CDH13: variants seen among roughly 807,000 people sequenced by gnomAD.
The protein encoded by CDH13 is cadherin 13, also known as cadherin-13.
A neutral mutation model predicts 63.8 loss-of-function variants in CDH13; 24 were observed. That is an observed-to-expected ratio of 0.38 (90% CI 0.27 to 0.53). The LOEUF is 0.53. CDH13 is among the 20% of genes least tolerant of loss of function. CDH13 has a pLI of 0.85. For missense variants in CDH13, 1,049 were observed against 903.1 expected, an observed-to-expected ratio of 1.16 and a Z score of -2.07; for synonymous variants, 503 against 355.3, an observed-to-expected ratio of 1.42 and a Z score of -4.67.
At chr16:83,346,161 C>T (rs747501698) in intron 6 of CDH13, among the ~76,000 whole-genome samples, 4 of 152,114 alleles carry the variant, frequency 2.6e-5, no homozygotes, top group African/African-American at 9.7e-5. Context: ...AAATGCACTG[C>T]GTGTGTGCTG....
chr16:82,653,964 G>A (rs1383990076), intron 1 of CDH13, among the ~76,000 whole-genome samples: 3 of 152,112 alleles, frequency 2.0e-5, no homozygotes, highest in Admixed American at 1.3e-4. Context: ...AACTGTACGG[G>A]GTTACAGGGA....
At chr16:82,883,202 C>G (rs547000227) in intron 2 of CDH13, among the ~76,000 whole-genome samples, 7 of 152,298 alleles carry the variant, frequency 4.6e-5, no homozygotes, top group African/African-American at 1.7e-4. Flanking sequence ...AAAATATGAC[C>G]TACTAAGCAG....
At chr16:82,952,797 G>A (rs1375928761) in intron 2 of CDH13, among the ~76,000 whole-genome samples, 4 of 152,152 alleles carry the variant, frequency 2.6e-5, no homozygotes, top group African/African-American at 9.7e-5. Context: ...TCTGTATGAA[G>A]CCTTAGGAAG....
chr16:83,731,322 A>G (rs1420475508), intron 10 of CDH13, among the ~76,000 whole-genome samples: 1 of 110,786 alleles, frequency 9.0e-6, no homozygotes, highest in East Asian at 2.0e-4. Flanking sequence ...CCTGGGCAGC[A>G]TCTGTCATTT....
chr16:82,783,932 A>G (rs760398857), intron 1 of CDH13, among the ~76,000 whole-genome samples: 4 of 152,086 alleles, frequency 2.6e-5, no homozygotes, highest in Non-Finnish European at 4.4e-5. Flanking sequence ...AAAAATACTA[A>G]TGTCTTCACA....
At chr16:82,928,700 G>A (rs1050625307) in intron 2 of CDH13, among the ~76,000 whole-genome samples, 1 of 152,186 alleles carries the variant, frequency 6.6e-6, no homozygotes, top group Admixed American at 6.5e-5. Flanking sequence ...TTACAGATTT[G>A]AATGGATAAA....
At chr16:82,900,250 G>T (rs2041417252) in intron 2 of CDH13, among the ~76,000 whole-genome samples, 1 of 152,162 alleles carries the variant, frequency 6.6e-6, no homozygotes, top group South Asian at 2.1e-4. Flanking sequence ...ATAGCTGAGT[G>T]CTTGACACTT....
chr16:83,313,792 G>A lies in CDH13; in HGVS notation c.637-31070G>A, dbSNP rs370538882. Among the ~76,000 whole-genome samples, 28 of 152,198 alleles carry A rather than the reference G, an allele frequency of 1.8e-4. No individual in the cohort carries two copies. In the South Asian group the frequency reaches 4.8e-3, roughly 26 times the overall value. On this transcript the variant is annotated intron_variant, in intron 5 of 13. Coordinates refer to ENST00000567109, the MANE Select transcript of CDH13 (RefSeq NM_001257.5). ...TTGTTAAACAATAGTGTCTGGAATT[G>A]GCTAAGGAAGAACAGTTACTTGAAA...
chr16:83,504,417 G>C (rs866544672), intron 7 of CDH13, among the ~76,000 whole-genome samples: 1 of 152,244 alleles, frequency 6.6e-6, no homozygotes, highest in Admixed American at 6.5e-5. Context: ...CTATGAAAGA[G>C]AGCACAAAGG....
At chr16:82,762,493 C>T (rs1263990178) in intron 1 of CDH13, among the ~76,000 whole-genome samples, 1 of 152,154 alleles carries the variant, frequency 6.6e-6, no homozygotes, top group African/African-American at 2.4e-5. Context: ...TAATAAACCC[C>T]TAAGTCAGTA....
intron 1 of CDH13, among the ~76,000 whole-genome samples, chr16:82,640,326 T>A (rs1232921991): frequency 2.0e-5 from 3 of 152,216 alleles, no homozygotes; most frequent in Non-Finnish European, 2.9e-5. Context: ...ACTGATAAAG[T>A]GTTGTTGGTC....
intron 2 of CDH13, chr16:82,953,511 T>A (rs1214615121): frequency 2.0e-5 from 3 of 152,182 alleles, no homozygotes; most frequent in Admixed American, 2.0e-4. Context: ...CATCAAGATG[T>A]TTTGCTTTTG....
At chr16:82,805,731 A>C (rs1597648400) in intron 1 of CDH13, among the ~76,000 whole-genome samples, 1 of 152,204 alleles carries the variant, frequency 6.6e-6, no homozygotes, top group Admixed American at 6.5e-5. Flanking sequence ...GCTTTTGCCG[A>C]AGGAATTCTT....
intron 6 of CDH13, among the ~76,000 whole-genome samples, chr16:83,371,189 C>T (rs956628000): frequency 6.6e-6 from 1 of 152,186 alleles, no homozygotes; most frequent in African/African-American, 2.4e-5. Flanking sequence ...GATATATACC[C>T]AAATAAATAT....
At chr16:82,872,503 G>A (rs138757815) in intron 2 of CDH13, among the ~76,000 whole-genome samples, 124 of 152,296 alleles carry the variant, frequency 8.1e-4, no homozygotes, top group Admixed American at 2.9e-3. Flanking sequence ...AATAAGTAAG[G>A]CATCAAAATA....
At chr16:82,781,763 G>A (rs2035765831) in intron 1 of CDH13, among the ~76,000 whole-genome samples, 1 of 152,102 alleles carries the variant, frequency 6.6e-6, no homozygotes, top group Non-Finnish European at 1.5e-5. Flanking sequence ...AAAATCAGTT[G>A]GCAAAACTGT....
chr16:83,096,108 T>C (rs1465875188), intron 3 of CDH13, among the ~76,000 whole-genome samples: 1 of 152,150 alleles, frequency 6.6e-6, no homozygotes, highest in African/African-American at 2.4e-5. Context: ...ATGTGAATAA[T>C]GGTGGAAATA....
intron 1 of CDH13, among the ~76,000 whole-genome samples, chr16:82,647,137 C>T (rs1910188466): frequency 6.6e-6 from 1 of 152,304 alleles, no homozygotes; most frequent in Non-Finnish European, 1.5e-5. Context: ...GTTGCTTAAC[C>T]TCTGTGCCTC....
At chr16:83,554,654 C>T (rs1430066255) in intron 7 of CDH13, among the ~76,000 whole-genome samples, 2 of 152,016 alleles carry the variant, frequency 1.3e-5, no homozygotes, top group African/African-American at 2.4e-5. Context: ...CACAACCTTG[C>T]ACAAAGGCCA....
Sources: allele counts gnomAD v4.1 joint callset (sites outside exome capture counted in the v4.1 genomes callset), GRCh38; gene constraint gnomAD v4.1.1; transcripts MANE v1.5; gene names NCBI Gene and HGNC (gene_info 2026-07-23, HGNC 2026-07-21).